The following FNDC3A variants were observed in gnomAD, a reference collection of about 807,000 sequenced individuals.
FNDC3A encodes the protein fibronectin type-III domain-containing protein 3A.
A neutral mutation model predicts 148.9 loss-of-function variants in FNDC3A; 32 were observed. That is an observed-to-expected ratio of 0.21 (90% CI 0.16 to 0.29). The LOEUF (loss-of-function observed/expected upper bound fraction) is 0.29, where lower values mean the gene tolerates loss of function less well. FNDC3A is among the 10% of genes least tolerant of loss of function. The pLI, the probability that FNDC3A is intolerant of heterozygous loss-of-function variation, is 1.00. For synonymous variants in FNDC3A, 472 were observed against 473.6 expected, an observed-to-expected ratio of 1.00 and a Z score of 0.04; for missense variants, 1,191 against 1,452.8, an observed-to-expected ratio of 0.82 and a Z score of 2.93.
chr13:49,132,876 A>G (rs1242780552), intron 5 of FNDC3A, among the ~76,000 whole-genome samples: 2 of 151,976 alleles, frequency 1.3e-5, no homozygotes, highest in African/African-American at 2.4e-5. Flanking sequence ...ACTTAACACA[A>G]TTTCTTTTTT....
rs117346332 is a variant in FNDC3A at position 49,136,023 on chromosome 13, C to T, written c.491-309C>T. ...ACTGTGGACTGCTCAGCTCCAGTCT[C>T]ATTCCTCACCTACAATAATCATAAG... On this transcript the variant is annotated intron_variant, in intron 5 of 25. Transcript: ENST00000492622. Among the ~76,000 whole-genome samples the T allele has an allele frequency of 2.8e-3, 429 of 152,276 alleles. 1 individual carries two copies. Among genetic ancestry groups the T allele is most frequent in the Middle Eastern group, 0.027 (8 of 294 alleles).
At chr13:49,135,880 G>A (rs1483818328) in intron 5 of FNDC3A, among the ~76,000 whole-genome samples, 1 of 151,958 alleles carries the variant, frequency 6.6e-6, no homozygotes. Context: ...AGTGATGATT[G>A]CTTTTTTGAG....
At chr13:49,136,052 CCA>C (rs1271264647) in intron 5 of FNDC3A, among the ~76,000 whole-genome samples, 2 of 152,044 alleles carry the variant, frequency 1.3e-5, no homozygotes, top group African/African-American at 4.8e-5. Context: ...TCATAAGTTA[CCA>C]CCAAGCTGTT....
Position 49,080,039 on chromosome 13 carries a change from G to A in FNDC3A, c.175+4675G>A, listed in dbSNP as rs563867058. On this transcript the variant is annotated intron_variant, in intron 3 of 25. Transcript: ENST00000492622. ...CTCAAACTCCTGGGCTCAAGCAATC[G>A]TCCCATCTCAGCCTCCCAAAGCACT... Among the ~76,000 whole-genome samples the A allele has an allele frequency of 6.6e-5, 10 of 152,250 alleles. No individual in the cohort carries two copies. The East Asian group carries it at 1.5e-3, about 23-fold the overall frequency.
intron 2 of FNDC3A, among the ~76,000 whole-genome samples, chr13:49,023,808 C>A (rs890699913): frequency 2.6e-5 from 4 of 151,862 alleles, no homozygotes; most frequent in African/African-American, 9.7e-5. Flanking sequence ...TTGCAAGTGT[C>A]CTTACATTAG....
At chr13:49,128,168 C>T (rs759258080) in intron 4 of FNDC3A, among the ~76,000 whole-genome samples, 3 of 152,216 alleles carry the variant, frequency 2.0e-5, no homozygotes, top group African/African-American at 7.2e-5. Context: ...GCGTGAGCCA[C>T]TGCACCTGGC....
At chr13:49,146,156 C>CT (rs1311653582) in intron 8 of FNDC3A, 1,040 of 443,504 alleles carry the variant, frequency 2.3e-3, no homozygotes, top group East Asian at 4.8e-3. Flanking sequence ...CCACATTCAG[C>CT]TTTTTTTTTC....
At chr13:48,988,463 C>G (rs1951846835) in intron 1 of FNDC3A, among the ~76,000 whole-genome samples, 1 of 152,170 alleles carries the variant, frequency 6.6e-6, no homozygotes. Flanking sequence ...TATCATTATA[C>G]ATTAAAGGGT....
At chr13:49,019,092 G>A (rs1233875566) in intron 2 of FNDC3A, among the ~76,000 whole-genome samples, 1 of 152,260 alleles carries the variant, frequency 6.6e-6, no homozygotes, top group East Asian at 1.9e-4. Context: ...GGAGCCTACA[G>A]CGGCAGGCAG....
intron 2 of FNDC3A, among the ~76,000 whole-genome samples, chr13:49,040,134 T>C (rs1424276234): frequency 6.6e-6 from 1 of 152,254 alleles, no homozygotes; most frequent in African/African-American, 2.4e-5. Flanking sequence ...TAAATTCTTA[T>C]CTGCCCTTTG....
At chr13:49,116,785 C>CAA (rs55711716) in intron 4 of FNDC3A, among the ~76,000 whole-genome samples, 17,782 of 139,958 alleles carry the variant, frequency 0.13, 1,296 homozygotes, top group African/African-American at 0.2. Context: ...GACTCCGTCT[C>CAA]AAAAAAAAAA....
At chr13:48,981,480 CT>C (rs769217943) in intron 1 of FNDC3A, among the ~76,000 whole-genome samples, 670 of 142,342 alleles carry the variant, frequency 4.7e-3, no homozygotes, top group Admixed American at 5.1e-3. Flanking sequence ...GCAATGCAGC[CT>C]TTTTTTTTTT....
At chr13:48,985,872 T>C (rs1347673455) in intron 1 of FNDC3A, among the ~76,000 whole-genome samples, 1 of 152,224 alleles carries the variant, frequency 6.6e-6, no homozygotes, top group African/African-American at 2.4e-5. Flanking sequence ...ACAGCCTTTG[T>C]GATATAACAA....
At chr13:49,040,960 C>A (rs1874879259) in intron 2 of FNDC3A, among the ~76,000 whole-genome samples, 1 of 152,168 alleles carries the variant, frequency 6.6e-6, no homozygotes, top group African/African-American at 2.4e-5. Flanking sequence ...TTCTTTCACT[C>A]TTCCCTCCGC....
rs74075851 is a variant in FNDC3A at position 49,081,593 on chromosome 13, G to A, written c.175+6229G>A. Among the ~76,000 whole-genome samples, 570 of 152,206 alleles carry A rather than the reference G, an allele frequency of 3.7e-3. 5 individuals carry two copies. The highest frequency in any genetic ancestry group is 0.013 in the African/African-American group (544 of 41,522). On this transcript the variant is annotated intron_variant, in intron 3 of 25. Transcript: ENST00000492622. ...TTTGTCATAGAGAAGATTATTATTA[G>A]GCCGTATCTTTTGGGATATATTACT...
At chr13:49,137,672 A>G (rs948452435) in intron 6 of FNDC3A, among the ~76,000 whole-genome samples, 1 of 152,200 alleles carries the variant, frequency 6.6e-6, no homozygotes, top group Non-Finnish European at 1.5e-5. Context: ...TATATACTTG[A>G]ATCAATCTCT....
intron 4 of FNDC3A, among the ~76,000 whole-genome samples, chr13:49,128,520 G>T (rs1881840739): frequency 6.6e-6 from 1 of 152,080 alleles, no homozygotes; most frequent in African/African-American, 2.4e-5. Flanking sequence ...GCCCCGAGTT[G>T]TGACAACTAT....
chr13:49,035,680 G>C (rs1045347406), intron 2 of FNDC3A, among the ~76,000 whole-genome samples: 1 of 152,040 alleles, frequency 6.6e-6, no homozygotes, highest in African/African-American at 2.4e-5. Flanking sequence ...TTAATTGGCT[G>C]TAACTGTCTC....
intron 2 of FNDC3A, among the ~76,000 whole-genome samples, chr13:49,048,456 A>T (rs1039587612): frequency 6.6e-6 from 1 of 152,112 alleles, no homozygotes; most frequent in Non-Finnish European, 1.5e-5. Flanking sequence ...ATTCGTGAGC[A>T]TGGGATGTGT....
Sources: allele counts gnomAD v4.1 joint callset (sites outside exome capture counted in the v4.1 genomes callset), GRCh38; gene constraint gnomAD v4.1.1; transcripts MANE v1.5; gene names NCBI Gene and HGNC (gene_info 2026-07-23, HGNC 2026-07-21).